Variants in MYO16 observed in about 807,000 individuals in gnomAD.
The protein encoded by MYO16 is myosin XVI.
In MYO16, 94 loss-of-function variants were observed where a neutral mutation model predicts 205.3. The ratio of observed to expected loss-of-function variants is 0.46; its 90% CI spans 0.39 to 0.54. The LOEUF is 0.54. Ranked by LOEUF, MYO16 falls within the 20% of genes least tolerant of loss-of-function variation. The probability of loss-of-function intolerance (pLI) is 0.00; values close to 1 mark genes in which losing one functional copy is unlikely to be tolerated. For synonymous variants in MYO16, 988 were observed against 954.0 expected (o/e 1.04, Z -0.66); for missense variants, 2,315 against 2,387.5 (o/e 0.97, Z 0.63).
intron 14 of MYO16, among the ~76,000 whole-genome samples, chr13:108,890,113 T>TTC (rs1880096730): frequency 7.0e-6 from 1 of 143,066 alleles, no homozygotes; most frequent in African/African-American, 2.6e-5. Flanking sequence ...TATTTTTTTT[T>TTC]TTTTTTTTTT....
chr13:108,811,234 CAA>C (rs367693529), intron 7 of MYO16, among the ~76,000 whole-genome samples: 9 of 152,122 alleles, frequency 5.9e-5, no homozygotes, highest in Non-Finnish European at 1.0e-4. Flanking sequence ...CATTTTTACC[CAA>C]GTGTATAAAA....
At chr13:109,018,467 G>A (rs989466446) in intron 22 of MYO16, among the ~76,000 whole-genome samples, 9 of 152,142 alleles carry the variant, frequency 5.9e-5, no homozygotes, top group African/African-American at 1.2e-4. Flanking sequence ...AGGAGGTGGC[G>A]TGTCCATTCT....
intron 20 of MYO16, among the ~76,000 whole-genome samples, chr13:108,975,011 C>T (rs1884200855): frequency 6.6e-6 from 1 of 152,112 alleles, no homozygotes; most frequent in African/African-American, 2.4e-5. Flanking sequence ...TGACTGTTTT[C>T]AAATTTCATC....
At chr13:109,050,584 T>C (rs1044774972) in intron 24 of MYO16, among the ~76,000 whole-genome samples, 1 of 152,220 alleles carries the variant, frequency 6.6e-6, no homozygotes, top group Non-Finnish European at 1.5e-5. Flanking sequence ...TACCCATTAG[T>C]TTTACATGCG....
intron 17 of MYO16, 117 bp from the exon 18 acceptor site, chr13:108,961,422 C>G: frequency 1.3e-6 from 1 of 785,912 alleles, no homozygotes; most frequent in African/African-American, 1.7e-5. Flanking sequence ...CTGCAAACTC[C>G]CAACCTCATT....
Position 109,127,344 on chromosome 13 carries a change from T to G in MYO16, c.3845T>G (p.Val1282Gly). 1 of 1,612,762 alleles carries G rather than the reference T, an allele frequency of 6.2e-7. No homozygotes were observed. Among genetic ancestry groups the G allele is most frequent in the South Asian group, 1.1e-5 (1 of 90,972 alleles). Residue 1282 changes from valine to glycine, a missense_variant, in exon 31 of 35, where the codon GTG becomes GGG. Around this residue, in one of 3 missense-constraint regions of MYO16, gnomAD observed 1,097 missense variants for 1,092.0 expected, o/e 1.00. Coordinates refer to ENST00000457511, the MANE Select transcript of MYO16 (RefSeq NM_001198950.3). The surrounding 1 kb of genome is among the most constrained non-coding windows in gnomAD (Gnocchi z 4.2). Reference protein sequence around the residue: ...HPSSMSVCAAVDGLGQCLVGP... With the variant: ...HPSSMSVCAAGDGLGQCLVGP... The stretch of plus-strand genomic sequence containing the variant: ...AGCTCCATGTCAGTCTGCGCGGCCG[T>G]GGATGGCCTGGGCCAGTGCCTCGTT...
At chr13:108,655,361 A>C (rs1881196108) in intron 1 of MYO16, among the ~76,000 whole-genome samples, 1 of 152,152 alleles carries the variant, frequency 6.6e-6, no homozygotes, top group African/African-American at 2.4e-5. Context: ...CTTCCACATG[A>C]TGTTGAGCCT....
chr13:108,659,740 C>T (rs116306589), intron 1 of MYO16, among the ~76,000 whole-genome samples: 90 of 152,244 alleles, frequency 5.9e-4, no homozygotes, highest in African/African-American at 2.0e-3. Flanking sequence ...CATAATTGTC[C>T]GTTCTGCAAT....
intron 23 of MYO16, among the ~76,000 whole-genome samples, chr13:109,023,655 A>C (rs1462249255): frequency 7.7e-6 from 1 of 129,268 alleles, no homozygotes; most frequent in Non-Finnish European, 1.6e-5. Flanking sequence ...ATATATGTAT[A>C]TATGTATATA....
At chr13:108,985,814 A>T (rs998716845) in intron 20 of MYO16, among the ~76,000 whole-genome samples, 2 of 152,232 alleles carry the variant, frequency 1.3e-5, no homozygotes, top group Non-Finnish European at 2.9e-5. Flanking sequence ...TTTATCTAAT[A>T]ATCTATCACA....
At chr13:108,723,768 GGTTCCACCAC>G (rs1361012312) in intron 3 of MYO16, among the ~76,000 whole-genome samples, 1 of 151,772 alleles carries the variant, frequency 6.6e-6, no homozygotes, top group Non-Finnish European at 1.5e-5. Flanking sequence ...ATGAATTTTG[GGTTCCACCAC>G]CCTAAAGTTC....
At chr13:108,696,040 A>T (rs2139506898) in intron 2 of MYO16, among the ~76,000 whole-genome samples, 1 of 152,332 alleles carries the variant, frequency 6.6e-6, no homozygotes, top group South Asian at 2.1e-4. Context: ...AATTGTTTGA[A>T]TTTAAAAAAT....
Position 109,001,918 on chromosome 13 carries a change from T to TTCTCTC in MYO16, c.2443-6971_2443-6966dup, listed in dbSNP as rs71125359. Among the ~76,000 whole-genome samples the TTCTCTC allele has an allele frequency of 5.6e-4, 84 of 150,814 alleles. 1 individual carries two copies. Among genetic ancestry groups the TTCTCTC allele is most frequent in the Non-Finnish European group, 8.9e-5 (6 of 67,568 alleles). ...AGTGTCTAAAATCTAACACTATTCC[T>TTCTCTC]TCTCTCTCTCTCTGTGTGTCTGTCT... On this transcript the variant is annotated intron_variant, in intron 21 of 34. Transcript: ENST00000457511.
intron 23 of MYO16, among the ~76,000 whole-genome samples, chr13:109,033,156 G>C (rs1030618200): frequency 6.6e-6 from 1 of 152,106 alleles, no homozygotes; most frequent in Non-Finnish European, 1.5e-5. Flanking sequence ...GAACTACAGG[G>C]AGTTGAAGAG....
intron 9 of MYO16, among the ~76,000 whole-genome samples, chr13:108,829,053 C>T (rs878860732): frequency 2.0e-5 from 3 of 152,106 alleles, no homozygotes; most frequent in South Asian, 2.1e-4. Flanking sequence ...ATTTGTAGCT[C>T]GTTGCTCAAA....
intron 2 of MYO16, among the ~76,000 whole-genome samples, chr13:108,711,051 G>A (rs1480668961): frequency 1.3e-5 from 2 of 152,154 alleles, no homozygotes; most frequent in East Asian, 3.9e-4. Flanking sequence ...TGCAAGAGGT[G>A]CCTTCATTTA....
chr13:108,972,247 CTCTATATA>C (rs1322648902), intron 20 of MYO16, among the ~76,000 whole-genome samples: 1 of 6,062 alleles, frequency 1.6e-4, no homozygotes, highest in Admixed American at 2.6e-3. Flanking sequence ...CTCTCTCTCT[CTCTATATA>C]TATATATATA....
At chr13:109,082,652 T>C (rs1365360785) in intron 27 of MYO16, among the ~76,000 whole-genome samples, 1 of 152,062 alleles carries the variant, frequency 6.6e-6, no homozygotes, top group Non-Finnish European at 1.5e-5. Flanking sequence ...CTGGCCAACA[T>C]GGCAAAACCC....
chr13:108,872,176 AT>A (rs1212594444), intron 12 of MYO16, among the ~76,000 whole-genome samples: 2 of 152,240 alleles, frequency 1.3e-5, no homozygotes, highest in Admixed American at 1.3e-4. Flanking sequence ...GCTTATGTTT[AT>A]GGTAACAGTT....
Sources: allele counts gnomAD v4.1 joint callset (sites outside exome capture counted in the v4.1 genomes callset), GRCh38; gene constraint gnomAD v4.1.1; regional missense constraint gnomAD v4.1.1; non-coding constraint Gnocchi (gnomAD v3.1); transcripts MANE v1.5; gene names NCBI Gene and HGNC (gene_info 2026-07-23, HGNC 2026-07-21).